Variants in CMIP observed in about 807,000 individuals in gnomAD.
CMIP encodes c-Maf inducing protein.
In CMIP, 13 loss-of-function variants were observed where a neutral mutation model predicts 97.3. The ratio of observed to expected loss-of-function variants is 0.13; its 90% CI spans 0.09 to 0.21. The LOEUF (loss-of-function observed/expected upper bound fraction) is 0.21, where lower values mean the gene tolerates loss of function less well. Ranked by LOEUF, CMIP falls within the 10% of genes least tolerant of loss-of-function variation. CMIP has a pLI of 1.00. For synonymous variants in CMIP, 538 were observed against 436.3 expected (o/e 1.23, Z -2.91); for missense variants, 847 against 1,024.9 (o/e 0.83, Z 2.37).
intron 16 of CMIP, among the ~76,000 whole-genome samples, chr16:81,702,348 C>A (rs1004025701): frequency 2.8e-4 from 42 of 152,072 alleles, no homozygotes; most frequent in South Asian, 2.1e-4. Flanking sequence ...CAGTACCCAC[C>A]CAGTGATAGC....
chr16:81,680,670 G>A (rs991075686), intron 10 of CMIP, among the ~76,000 whole-genome samples: 1 of 152,210 alleles, frequency 6.6e-6, no homozygotes, highest in Non-Finnish European at 1.5e-5. Context: ...CCAAGAATAC[G>A]TCACAGCCCT....
At chr16:81,554,468 C>G (rs918596518) in intron 1 of CMIP, among the ~76,000 whole-genome samples, 2 of 152,234 alleles carry the variant, frequency 1.3e-5, no homozygotes, top group Non-Finnish European at 2.9e-5. Flanking sequence ...ACCACTCTTT[C>G]CTGTTGAGCC....
intron 3 of CMIP, among the ~76,000 whole-genome samples, chr16:81,635,906 C>T (rs929809674): frequency 6.6e-6 from 1 of 151,918 alleles, no homozygotes; most frequent in African/African-American, 2.4e-5. Context: ...TTTGTGGACC[C>T]CGATATATAA....
At chr16:81,664,656 G>A in intron 7 of CMIP, 1 of 565,386 alleles carries the variant, frequency 1.8e-6, no homozygotes, top group Non-Finnish European at 3.1e-6. Flanking sequence ...CTGCCCTCAA[G>A]GACCCAGAGC....
chr16:81,693,494 C>A lies in CMIP; in HGVS notation c.1530+7C>A, dbSNP rs746944400. Reference sequence around the variant, plus strand: ...CGAAGACCCCAGGCAAGAGGTGAGGCCTTTGTTTCTGCATCTCAGGCCGGC... The same window carrying A: ...CGAAGACCCCAGGCAAGAGGTGAGGACTTTGTTTCTGCATCTCAGGCCGGC... On this transcript the variant is annotated splice_region_variant and intron_variant, in intron 13 of 20. Coordinates refer to ENST00000537098, the MANE Select transcript of CMIP (RefSeq NM_198390.3). 5 of 1,610,822 alleles carry A rather than the reference C, an allele frequency of 3.1e-6. No individual in the cohort carries two copies. Among genetic ancestry groups the A allele is most frequent in the South Asian group, 1.1e-5 (1 of 90,614 alleles).
At chr16:81,447,763 C>G (rs1267410876) in intron 1 of CMIP, among the ~76,000 whole-genome samples, 1 of 152,240 alleles carries the variant, frequency 6.6e-6, no homozygotes, top group Admixed American at 6.5e-5. Flanking sequence ...CTTACCCTTG[C>G]CCTCTGGTGG....
Position 81,650,921 on chromosome 16 carries a change from C to T in CMIP, c.478-1282C>T, listed in dbSNP as rs546760769. ...AGTGTGCCTCACCGACAGAAGTAAC[C>T]GTTCCACTTGGCATGGAATGTGTCC... On this transcript the variant is annotated intron_variant, in intron 3 of 20. Transcript: ENST00000537098. Among the ~76,000 whole-genome samples, 8 of 152,298 alleles carry T rather than the reference C, an allele frequency of 5.3e-5. No individual in the cohort carries two copies. In the East Asian group the frequency reaches 5.8e-4, roughly 11 times the overall value.
chr16:81,552,310 T>C (rs1227780409), intron 1 of CMIP, among the ~76,000 whole-genome samples: 1 of 152,130 alleles, frequency 6.6e-6, no homozygotes, highest in Non-Finnish European at 1.5e-5. Flanking sequence ...GTAGTGGGGA[T>C]GTTCTTTTCC....
chr16:81,678,890 G>T (rs149883223), intron 10 of CMIP, among the ~76,000 whole-genome samples: 8 of 152,260 alleles, frequency 5.3e-5, no homozygotes, highest in African/African-American at 1.7e-4. Context: ...CATATGGTGT[G>T]TGTATATACA....
Position 81,652,246 on chromosome 16 carries a change from G to A in CMIP, c.521G>A (p.Arg174His), listed in dbSNP as rs375331530. Residue 174 changes from arginine to histidine, a missense_variant, in exon 4 of 21, where the codon CGC becomes CAC. Arg to His is a conservative substitution (Grantham distance 29). Around this residue, in one of 4 missense-constraint regions of CMIP, gnomAD observed 285 missense variants for 392.2 expected, o/e 0.73. Coordinates refer to ENST00000537098, the MANE Select transcript of CMIP (RefSeq NM_198390.3). The surrounding 1 kb of genome is among the most constrained non-coding windows in gnomAD (Gnocchi z 5.2). The stretch of plus-strand genomic sequence containing the variant: ...AAGAAAGTGCTGAGTAACCCAAGCC[G>A]CTGGGAAGTTGTCTTGAAAGAGATC... The part of the protein sequence containing the change: ...KYKKVLSNPS[R>H]WEVVLKEIRT... 8.1e-6 allele frequency: 13 copies of A among 1,613,416 alleles called. No homozygotes were observed. Among genetic ancestry groups the A allele is most frequent in the African/African-American group, 6.7e-5 (5 of 74,878 alleles).
chr16:81,633,187 G>A (rs2092188046), intron 3 of CMIP, among the ~76,000 whole-genome samples: 1 of 152,234 alleles, frequency 6.6e-6, no homozygotes, highest in Non-Finnish European at 1.5e-5. Context: ...ATGAGAGGCA[G>A]CGTCTTGATG....
At chr16:81,613,198 C>T (rs2091859955) in intron 2 of CMIP, among the ~76,000 whole-genome samples, 2 of 152,310 alleles carry the variant, frequency 1.3e-5, no homozygotes, top group Admixed American at 6.5e-5. Context: ...TCTGGCGCTT[C>T]CCTTAGTTTC....
chr16:81,461,922 C>T (rs143412744), intron 1 of CMIP, among the ~76,000 whole-genome samples: 2 of 152,332 alleles, frequency 1.3e-5, no homozygotes, highest in African/African-American at 2.4e-5. Flanking sequence ...CCGTTCTAGG[C>T]ATTGCGTGTT....
At chr16:81,589,534 G>T (rs1166214379) in intron 1 of CMIP, among the ~76,000 whole-genome samples, 1 of 150,982 alleles carries the variant, frequency 6.6e-6, no homozygotes, top group Non-Finnish European at 1.5e-5. Context: ...GCAGGGCCAG[G>T]TCTCGCACCC....
intron 3 of CMIP, among the ~76,000 whole-genome samples, chr16:81,633,037 T>C (rs1156442918): frequency 6.6e-6 from 1 of 152,242 alleles, no homozygotes; most frequent in Non-Finnish European, 1.5e-5. Context: ...GCGCAGGCTT[T>C]GATGAGGCTG....
chr16:81,607,846 CA>C (rs1248241258), intron 2 of CMIP, among the ~76,000 whole-genome samples, 154 bp downstream of exon 2: 1 of 152,216 alleles, frequency 6.6e-6, no homozygotes, highest in African/African-American at 2.4e-5. Context: ...AGCTGTAAAC[CA>C]GGTCTGACTG....
At chr16:81,559,855 A>G (rs1231846562) in intron 1 of CMIP, among the ~76,000 whole-genome samples, 1 of 152,176 alleles carries the variant, frequency 6.6e-6, no homozygotes, top group Admixed American at 6.5e-5. Flanking sequence ...ATACAGAGAA[A>G]GGCATTGTGG....
At chr16:81,514,032 C>T (rs552343288) in intron 1 of CMIP, among the ~76,000 whole-genome samples, 7 of 131,068 alleles carry the variant, frequency 5.3e-5, no homozygotes, top group Non-Finnish European at 7.8e-5. Context: ...AAAAGAAAAA[C>T]AACAAAAACA....
intron 8 of CMIP, among the ~76,000 whole-genome samples, chr16:81,671,515 G>C (rs573345123): frequency 6.6e-6 from 1 of 152,348 alleles, no homozygotes; most frequent in East Asian, 1.9e-4. Flanking sequence ...AAAATGAGGT[G>C]TTAGGAATAA....
Sources: gnomAD v4.1 joint callset for allele counts (sites outside exome capture counted in the v4.1 genomes callset) on GRCh38, gnomAD v4.1.1 for gene constraint, gnomAD v4.1.1 regional missense constraint, Gnocchi (gnomAD v3.1) non-coding constraint, MANE v1.5 for transcripts, NCBI Gene and HGNC (gene_info 2026-07-23, HGNC 2026-07-21) for gene names.